The following STAT3 variants were observed in gnomAD, a reference collection of about 807,000 sequenced individuals.
The protein encoded by STAT3 is DNA-binding protein APRF.
A neutral mutation model predicts 114.3 loss-of-function variants in STAT3; 7 were observed. The ratio of observed to expected loss-of-function variants is 0.06; its 90% CI spans 0.03 to 0.11. The LOEUF (loss-of-function observed/expected upper bound fraction) is 0.11. STAT3 is among the 10% of genes least tolerant of loss of function. The pLI, the probability that STAT3 is intolerant of heterozygous loss-of-function variation, is 1.00. For synonymous variants in STAT3, 331 were observed against 354.5 expected (o/e 0.93, Z 0.74); for missense variants, 364 against 960.9 (o/e 0.38, Z 8.21).
chr17:42,323,113 C>T lies in STAT3; in HGVS notation c.1779G>A (p.Arg593=), dbSNP rs2144693857. The change falls in exon 20 of 24, where the codon CGG becomes CGA. Residue 593 remains arginine, a synonymous_variant. Transcript: ENST00000264657. ...GYIMGFISKE[R]ERAILSTKPP... is the part of the protein sequence containing the mutation. Reference sequence around the variant, plus strand: ...GCTTAGTGCTCAAGATGGCCCGCTCCCGCTCCTTACTGATAAAGCCCATGA... The same window carrying T: ...GCTTAGTGCTCAAGATGGCCCGCTCTCGCTCCTTACTGATAAAGCCCATGA... 1 of 1,614,178 alleles carries T rather than the reference C, an allele frequency of 6.2e-7. No homozygotes were observed. Among genetic ancestry groups the T allele is most frequent in the Non-Finnish European group, 8.5e-7 (1 of 1,180,032 alleles).
chr17:42,355,585 C>T (rs1217038648), intron 1 of STAT3, among the ~76,000 whole-genome samples: 1 of 152,134 alleles, frequency 6.6e-6, no homozygotes, highest in Non-Finnish European at 1.5e-5. Flanking sequence ...AACAGCAAGT[C>T]ATCAAAGACT....
At position 42,337,633 on chromosome 17, in the gene STAT3, C is replaced by G. The variant is rs1259210512; in HGVS notation, c.646-47G>C. The G allele has an allele frequency of 5.0e-6, 8 of 1,614,172 alleles. No individual in the cohort carries two copies. Among genetic ancestry groups the G allele is most frequent in the Middle Eastern group, 1.7e-4 (1 of 6,052 alleles). ...GTCAGAAAACATTTCCTCAGACTGT[C>G]TCTAACCACATTCTTTAGTCAACTC... On this transcript the variant is annotated intron_variant, in intron 7 of 23. Transcript: ENST00000264657. This position sits in a 1 kb window ranked among gnomAD's most constrained non-coding sequence, Gnocchi z 4.0.
chr17:42,358,067 T>C (rs1219668269), intron 1 of STAT3, among the ~76,000 whole-genome samples: 1 of 152,158 alleles, frequency 6.6e-6, no homozygotes, highest in Non-Finnish European at 1.5e-5. Flanking sequence ...CATCAATCTA[T>C]AAGAAAACTT....
At chr17:42,319,083 T>A (rs8066464) in intron 21 of STAT3, among the ~76,000 whole-genome samples, 38,184 of 151,292 alleles carry the variant, frequency 0.25, 5,519 homozygotes, top group African/African-American at 0.39. Context: ...TTTAATGAAA[T>A]TACAAAAATA....
intron 2 of STAT3, among the ~76,000 whole-genome samples, chr17:42,347,212 C>CA (rs1347695918): frequency 8.6e-5 from 12 of 138,796 alleles, no homozygotes; most frequent in Non-Finnish European, 1.9e-4. Flanking sequence ...AACCACAAAA[C>CA]AAAAAAACAA....
chr17:42,379,043 G>A (rs1278054516), intron 1 of STAT3, among the ~76,000 whole-genome samples: 2 of 152,124 alleles, frequency 1.3e-5, no homozygotes, highest in Non-Finnish European at 2.9e-5. Flanking sequence ...GCGGGAAACA[G>A]GTGGCTGACA....
chr17:42,355,900 G>A (rs768346842), intron 1 of STAT3, among the ~76,000 whole-genome samples: 7 of 152,214 alleles, frequency 4.6e-5, no homozygotes, highest in Non-Finnish European at 7.3e-5. Context: ...GTGAGGGAAG[G>A]CGGAAAGAGA....
chr17:42,323,204 T>C lies in STAT3; in HGVS notation c.1748+56A>G, dbSNP rs2081556468. ...TAACAGGGCATCCATCCCCTGCCAC[T>C]GGCTTGCTGAGAGCAGGGGACTTGG... On this transcript the variant is annotated intron_variant, in intron 19 of 23. Transcript: ENST00000264657. The C allele has an allele frequency of 1.9e-6, 3 of 1,613,970 alleles. No individual in the cohort carries two copies. In the Admixed American group the frequency reaches 5.0e-5, roughly 27 times the overall value.
chr17:42,344,058 G>T (rs1031030418), intron 4 of STAT3, among the ~76,000 whole-genome samples: 45 of 152,272 alleles, frequency 3.0e-4, no homozygotes, highest in Non-Finnish European at 5.0e-4. Context: ...TTTTTACTGA[G>T]AATAGTGTTT....
intron 1 of STAT3, among the ~76,000 whole-genome samples, chr17:42,366,752 C>T (rs2083821446): frequency 6.6e-6 from 1 of 151,300 alleles, no homozygotes; most frequent in Non-Finnish European, 1.5e-5. Context: ...AGGCCACCAG[C>T]ATCTCTTACC....
At position 42,322,411 on chromosome 17, in the gene STAT3, T is replaced by TATA. The variant is rs2081520452; in HGVS notation, c.1969_1971dup (p.Tyr657dup). The TATA allele has an allele frequency of 6.2e-7, 1 of 1,614,092 alleles. No individual in the cohort carries two copies. On this transcript the variant is annotated inframe_insertion, in exon 21 of 24. Coordinates refer to ENST00000264657, the MANE Select transcript of STAT3 (RefSeq NM_139276.3). ...AGGATATTGGTAGCATCCATGATCTTATAGCCCATGATGATTTCAGCAAAT... is the reference window on the plus strand; with the variant it reads ...AGGATATTGGTAGCATCCATGATCTTATAATAGCCCATGATGATTTCAGCAAAT...
At chr17:42,330,594 A>C (rs1395504026) in intron 11 of STAT3, among the ~76,000 whole-genome samples, 1 of 151,038 alleles carries the variant, frequency 6.6e-6, no homozygotes, top group East Asian at 2.0e-4. Flanking sequence ...ACGCCCAGCT[A>C]GTTTTTTTGT....
chr17:42,341,969 C>T (rs566820292), intron 4 of STAT3, among the ~76,000 whole-genome samples: 2 of 152,060 alleles, frequency 1.3e-5, no homozygotes, highest in African/African-American at 4.8e-5. Context: ...CTTTGGCTTT[C>T]CTACCTCCCA....
At chr17:42,345,485 A>C in intron 4 of STAT3, 74 bp downstream of exon 4, 1 of 1,232,336 alleles carries the variant, frequency 8.1e-7, no homozygotes, top group Non-Finnish European at 1.2e-6. Flanking sequence ...TAGATCTAAT[A>C]ATTTATCTCA....
At chr17:42,336,980 T>C (rs2082255203) in intron 8 of STAT3, among the ~76,000 whole-genome samples, 1 of 152,090 alleles carries the variant, frequency 6.6e-6, no homozygotes, top group African/African-American at 2.4e-5. Flanking sequence ...CTTTATTTTA[T>C]TTTTATTTTT....
chr17:42,375,809 AC>A (rs1567756541), intron 1 of STAT3, among the ~76,000 whole-genome samples: 3 of 151,358 alleles, frequency 2.0e-5, no homozygotes. Flanking sequence ...AGCCTGGGCA[AC>A]AAGAGCGAAA....
intron 1 of STAT3, among the ~76,000 whole-genome samples, chr17:42,367,568 CT>C (rs1335587335): frequency 6.6e-6 from 1 of 152,136 alleles, no homozygotes; most frequent in African/African-American, 2.4e-5. Context: ...CTGATAGGCT[CT>C]TTCCCTAGAT....
intron 1 of STAT3, among the ~76,000 whole-genome samples, chr17:42,362,723 A>G (rs1212791305): frequency 6.6e-6 from 1 of 152,208 alleles, no homozygotes; most frequent in Non-Finnish European, 1.5e-5. Flanking sequence ...GCTAATGAAC[A>G]CGTAGCACTC....
At chr17:42,364,053 A>G (rs1264816791) in intron 1 of STAT3, among the ~76,000 whole-genome samples, 1 of 152,074 alleles carries the variant, frequency 6.6e-6, no homozygotes, top group East Asian at 1.9e-4. Flanking sequence ...GCAACCACGT[A>G]CCATCCTGAT....
Sources: gnomAD v4.1 joint callset for allele counts (sites outside exome capture counted in the v4.1 genomes callset) on GRCh38, gnomAD v4.1.1 for gene constraint, Gnocchi (gnomAD v3.1) non-coding constraint, MANE v1.5 for transcripts, NCBI Gene and HGNC (gene_info 2026-07-23, HGNC 2026-07-21) for gene names.